EYS: variants seen among roughly 807,000 people sequenced by gnomAD.
EYS encodes the protein EGF-like photoreceptor maintenance factor.
EYS carries 250 observed loss-of-function variants against 282.1 expected under a neutral mutation model. The observed-to-expected ratio is 0.89, with a 90% CI of 0.80 to 0.98. The LOEUF is 0.98. Ranked by LOEUF, EYS falls within the 50% of genes least tolerant of loss-of-function variation. The pLI is 0.00. For synonymous variants in EYS, 1,355 were observed against 1,282.9 expected, an observed-to-expected ratio of 1.06 and a Z score of -1.20; for missense variants, 4,016 against 3,709.0, an observed-to-expected ratio of 1.08 and a Z score of -2.15.
chr6:65,196,479 T>G (rs1765769044), intron 12 of EYS, among the ~76,000 whole-genome samples: 1 of 152,116 alleles, frequency 6.6e-6, no homozygotes, highest in Admixed American at 6.6e-5. Flanking sequence ...AAACTCTTAA[T>G]TTTCACTCAT....
intron 36 of EYS, among the ~76,000 whole-genome samples, chr6:63,809,306 T>A (rs1389035168): frequency 6.6e-6 from 1 of 152,334 alleles, no homozygotes; most frequent in South Asian, 2.1e-4. Flanking sequence ...TTTAAGCCCT[T>A]TTCCATCTTC....
intron 33 of EYS, among the ~76,000 whole-genome samples, chr6:64,058,078 G>T (rs776186855): frequency 2.0e-5 from 3 of 152,118 alleles, no homozygotes; most frequent in Non-Finnish European, 2.9e-5. Context: ...GACCCAGTGG[G>T]AGGGTTTTCC....
chr6:64,383,241 C>T (rs540219086), intron 29 of EYS, among the ~76,000 whole-genome samples: 1 of 152,276 alleles, frequency 6.6e-6, no homozygotes, highest in East Asian at 1.9e-4. Context: ...GTCGAGGCTG[C>T]AGTGAGCCAA....
At chr6:64,829,175 T>G (rs1390275) in intron 19 of EYS, among the ~76,000 whole-genome samples, 151,716 of 152,104 alleles carry the variant, frequency 1, 75,665 homozygotes, top group Middle Eastern at 1. Context: ...AAGTGTGAAG[T>G]TCTCTGCAAT....
Position 65,491,357 on chromosome 6 carries a change from C to A in EYS, c.749-650G>T, listed in dbSNP as rs980199866. 47 of 300,552 alleles carry A rather than the reference C, an allele frequency of 1.6e-4. No homozygotes were observed. The Admixed American group carries it at 1.8e-3, about 12-fold the overall frequency. The allele number at this position is 300,552 out of a possible 1,614,324, so 18.6% of individuals were successfully genotyped here. A position where few individuals can be genotyped will look rare whatever the true frequency, so the allele number is the denominator to read the frequency against. On this transcript the variant is annotated intron_variant, in intron 4 of 42. Transcript: ENST00000503581. ...TGCATATTTAATCATCTTATAATAC[C>A]TTAGTAGAGGAATGTGCCTTGAAAA...
chr6:63,801,395 C>A (rs1025941218), intron 37 of EYS, among the ~76,000 whole-genome samples: 1 of 152,050 alleles, frequency 6.6e-6, no homozygotes, highest in East Asian at 1.9e-4. Context: ...GCTTCCCCAG[C>A]ACCTAAAAGA....
At chr6:65,256,337 T>C (rs2150254655) in intron 12 of EYS, among the ~76,000 whole-genome samples, 1 of 142,914 alleles carries the variant, frequency 7.0e-6, no homozygotes, top group East Asian at 2.0e-4. Flanking sequence ...GTTACATATG[T>C]ATACATGTGC....
chr6:63,965,464 G>A (rs1766262618), intron 35 of EYS, among the ~76,000 whole-genome samples: 1 of 152,162 alleles, frequency 6.6e-6, no homozygotes, highest in African/African-American at 2.4e-5. Context: ...TTTCACCAGT[G>A]CAAAGTGCAT....
intron 12 of EYS, among the ~76,000 whole-genome samples, chr6:65,170,512 T>G (rs1765080900): frequency 6.6e-6 from 1 of 151,496 alleles, no homozygotes; most frequent in South Asian, 2.1e-4. Flanking sequence ...TTCAAAGAAT[T>G]TATTACAATT....
chr6:64,145,464 A>T (rs1314864859), intron 31 of EYS, among the ~76,000 whole-genome samples: 2 of 150,296 alleles, frequency 1.3e-5, no homozygotes, highest in Non-Finnish European at 2.9e-5. Context: ...GTTTGAAAAG[A>T]CTGCCACTTT....
At chr6:65,174,612 A>G (rs1313574992) in intron 12 of EYS, among the ~76,000 whole-genome samples, 1 of 151,332 alleles carries the variant, frequency 6.6e-6, no homozygotes, top group South Asian at 2.1e-4. Context: ...TTTAGAAGAT[A>G]ATTCGATCTT....
At position 63,857,983 on chromosome 6, in the gene EYS, C is replaced by T. The variant is rs1038496848; in HGVS notation, c.7228+6203G>A. Among the ~76,000 whole-genome samples the T allele has an allele frequency of 3.3e-5, 5 of 151,894 alleles. No individual in the cohort carries two copies. In the East Asian group the frequency reaches 7.7e-4, roughly 23 times the overall value. On this transcript the variant is annotated intron_variant, in intron 36 of 42. Transcript: ENST00000503581. ...GCATTAAATGTTCACCTAAATTTAA[C>T]GTGAGGGGGAGTAAAAGTAGCCTTG... is the stretch of plus-strand genomic sequence containing the variant.
chr6:65,261,192 G>A (rs1460357885), intron 12 of EYS, among the ~76,000 whole-genome samples: 1 of 151,808 alleles, frequency 6.6e-6, no homozygotes, highest in African/African-American at 2.4e-5. Context: ...TCACAGTGTG[G>A]AATCAAGAAA....
At chr6:64,018,849 A>C (rs1037318089) in intron 33 of EYS, among the ~76,000 whole-genome samples, 30 of 135,098 alleles carry the variant, frequency 2.2e-4, no homozygotes, top group Non-Finnish European at 3.5e-4. Context: ...GTCTCAGCTC[A>C]CTGCAACCTC....
chr6:65,331,655 A>G, intron 11 of EYS: 1 of 980,618 alleles, frequency 1.0e-6, no homozygotes, highest in Non-Finnish European at 1.2e-6. Context: ...ATCAGAAAAA[A>G]GGAAATAACA....
chr6:64,392,875 C>T (rs1368703957), intron 28 of EYS, among the ~76,000 whole-genome samples: 12 of 151,698 alleles, frequency 7.9e-5, no homozygotes, highest in South Asian at 2.1e-4. Flanking sequence ...ATTGATAGAC[C>T]GCTAGCAAGA....
chr6:65,015,661 G>A (rs973186397), intron 13 of EYS, among the ~76,000 whole-genome samples: 1 of 151,804 alleles, frequency 6.6e-6, no homozygotes, highest in African/African-American at 2.4e-5. Flanking sequence ...TATTTGGTAG[G>A]AAAAATTAAA....
chr6:64,728,103 G>A (rs1406525854), intron 22 of EYS, among the ~76,000 whole-genome samples: 1 of 152,110 alleles, frequency 6.6e-6, no homozygotes, highest in Non-Finnish European at 1.5e-5. Flanking sequence ...GGAGGGGAGT[G>A]CAGGTGAACA....
intron 30 of EYS, among the ~76,000 whole-genome samples, chr6:64,277,182 C>T (rs1768144130): frequency 6.6e-6 from 1 of 152,122 alleles, no homozygotes; most frequent in Admixed American, 6.6e-5. Context: ...AAACTCTCTC[C>T]TAATGCTTGT....
Sources: allele counts gnomAD v4.1 joint callset (sites outside exome capture counted in the v4.1 genomes callset), GRCh38; gene constraint gnomAD v4.1.1; transcripts MANE v1.5; gene names NCBI Gene and HGNC (gene_info 2026-07-23, HGNC 2026-07-21).